Variants in ACOXL observed in about 807,000 individuals in gnomAD.
ACOXL encodes acyl-CoA oxidase like.
In ACOXL, 70 loss-of-function variants were observed where a neutral mutation model predicts 71.9. The ratio of observed to expected loss-of-function variants is 0.97; its 90% CI spans 0.80 to 1.19. ACOXL has a LOEUF of 1.19. ACOXL is among the 50% of genes most tolerant of loss of function. The probability of loss-of-function intolerance (pLI) is 0.00; values close to 1 mark genes in which losing one functional copy is unlikely to be tolerated. For synonymous variants in ACOXL, 253 were observed against 281.6 expected, an observed-to-expected ratio of 0.90 and a Z score of 1.02; for missense variants, 703 against 736.3, an observed-to-expected ratio of 0.95 and a Z score of 0.52.
chr2:110,877,494 G>T (rs1213888458), intron 10 of ACOXL, among the ~76,000 whole-genome samples: 4 of 152,004 alleles, frequency 2.6e-5, no homozygotes, highest in African/African-American at 9.7e-5. Flanking sequence ...CGCAAATAGG[G>T]TTTTGTTCGG....
chr2:110,765,007 T>A (rs1680874179), intron 1 of ACOXL, among the ~76,000 whole-genome samples: 2 of 152,216 alleles, frequency 1.3e-5, no homozygotes, highest in African/African-American at 4.8e-5. Context: ...TGATAAGATT[T>A]TTATTATTCC....
intron 16 of ACOXL, among the ~76,000 whole-genome samples, chr2:111,059,388 T>C (rs1356500903): frequency 2.0e-5 from 3 of 152,166 alleles, no homozygotes; most frequent in Non-Finnish European, 4.4e-5. Flanking sequence ...ACACAAAACA[T>C]AACATTCAAT....
intron 16 of ACOXL, among the ~76,000 whole-genome samples, chr2:111,068,743 CT>C (rs1314277498): frequency 6.6e-6 from 1 of 152,196 alleles, no homozygotes; most frequent in African/African-American, 2.4e-5. Context: ...TCCTTGAAGC[CT>C]CTTTTTGACC....
At chr2:110,928,734 A>G (rs1252992218) in intron 11 of ACOXL, among the ~76,000 whole-genome samples, 1 of 152,202 alleles carries the variant, frequency 6.6e-6, no homozygotes, top group Non-Finnish European at 1.5e-5. Context: ...AGCTCCCATA[A>G]TTCCCACGTG....
chr2:111,096,703 G>A (rs1376345718), intron 17 of ACOXL, among the ~76,000 whole-genome samples: 1 of 152,126 alleles, frequency 6.6e-6, no homozygotes, highest in Non-Finnish European at 1.5e-5. Flanking sequence ...TCTTCTGTGT[G>A]TCTGGTTGTC....
chr2:111,115,437 T>C (rs2070281746), intron 17 of ACOXL: 6 of 152,228 alleles, frequency 3.9e-5, no homozygotes, highest in Admixed American at 3.3e-4. Context: ...AGCTTCACGA[T>C]GTGAGACCTG....
intron 3 of ACOXL, among the ~76,000 whole-genome samples, chr2:110,785,617 T>G (rs1218912897): frequency 1.3e-5 from 2 of 152,150 alleles, no homozygotes; most frequent in African/African-American, 4.8e-5. Flanking sequence ...AGATCATTCA[T>G]TTTTGACTGC....
intron 10 of ACOXL, among the ~76,000 whole-genome samples, chr2:110,874,276 T>G (rs1484799462): frequency 6.6e-6 from 1 of 152,172 alleles, no homozygotes; most frequent in Non-Finnish European, 1.5e-5. Flanking sequence ...TGCCCCACGT[T>G]GGTTGGCATC....
chr2:110,845,633 G>A (rs201582184), intron 10 of ACOXL, among the ~76,000 whole-genome samples: 2 of 151,958 alleles, frequency 1.3e-5, no homozygotes, highest in East Asian at 3.9e-4. Context: ...TTTACTTTTT[G>A]TCTCTATAAA....
intron 1 of ACOXL, among the ~76,000 whole-genome samples, chr2:110,766,341 G>A (rs532754505): frequency 2.6e-5 from 4 of 152,168 alleles, no homozygotes; most frequent in Non-Finnish European, 5.9e-5. Flanking sequence ...CCTTGTTGAG[G>A]TATATTGGGA....
At chr2:111,045,924 G>C (rs1050664700) in intron 15 of ACOXL, among the ~76,000 whole-genome samples, 1 of 152,074 alleles carries the variant, frequency 6.6e-6, no homozygotes, top group Non-Finnish European at 1.5e-5. Context: ...CTTCAGTCCA[G>C]TTCCACAAAA....
chr2:111,050,571 T>G (rs2066242502), intron 16 of ACOXL, among the ~76,000 whole-genome samples: 1 of 152,226 alleles, frequency 6.6e-6, no homozygotes, highest in Non-Finnish European at 1.5e-5. Flanking sequence ...TTGGTCTTTC[T>G]TCCCTCTATC....
intron 9 of ACOXL, among the ~76,000 whole-genome samples, chr2:110,808,730 C>T (rs1284197043): frequency 1.3e-5 from 2 of 152,190 alleles, no homozygotes; most frequent in African/African-American, 4.8e-5. Context: ...ACTGTCCCTT[C>T]TTCAGAAAGG....
intron 10 of ACOXL, among the ~76,000 whole-genome samples, chr2:110,851,811 G>C (rs1573834107): frequency 6.6e-6 from 1 of 152,168 alleles, no homozygotes; most frequent in Non-Finnish European, 1.5e-5. Flanking sequence ...TCTGGTCCGC[G>C]GGCCTCTCCC....
intron 1 of ACOXL, among the ~76,000 whole-genome samples, chr2:110,737,952 C>T (rs942470058): frequency 1.3e-5 from 2 of 152,330 alleles, no homozygotes; most frequent in Middle Eastern, 3.4e-3. Flanking sequence ...TGTCGCCTCC[C>T]CTTGATCTTG....
At chr2:111,100,945 GT>G (rs2069112252) in intron 17 of ACOXL, 1 of 152,648 alleles carries the variant, frequency 6.6e-6, no homozygotes, top group Non-Finnish European at 1.5e-5. Context: ...TTGGGTTTTA[GT>G]TTCAGTTCAG....
intron 14 of ACOXL, among the ~76,000 whole-genome samples, chr2:110,999,121 G>A (rs1411942651): frequency 6.6e-6 from 1 of 152,104 alleles, no homozygotes; most frequent in African/African-American, 2.4e-5. Context: ...ACAGTTCTGG[G>A]GGCTGGAAGT....
intron 12 of ACOXL, among the ~76,000 whole-genome samples, chr2:110,971,000 A>G (rs550178891): frequency 6.6e-6 from 1 of 152,324 alleles, no homozygotes; most frequent in Non-Finnish European, 1.5e-5. Context: ...TTTTTATTCT[A>G]TGAAAGACCC....
At chr2:110,838,896 T>A (rs1573769629) in intron 9 of ACOXL, among the ~76,000 whole-genome samples, 1 of 152,258 alleles carries the variant, frequency 6.6e-6, no homozygotes, top group Non-Finnish European at 1.5e-5. Context: ...TGCAGAGGCC[T>A]GCCAGGAGCC....
Sources: allele counts gnomAD v4.1 joint callset (sites outside exome capture counted in the v4.1 genomes callset), GRCh38; gene constraint gnomAD v4.1.1; transcripts MANE v1.5; gene names NCBI Gene and HGNC (gene_info 2026-07-23, HGNC 2026-07-21).